The following B3GALT1 variants were observed in gnomAD, a reference collection of about 807,000 sequenced individuals.
The protein encoded by B3GALT1 is UDP-Gal:betaGlcNAc beta 1,3-galactosyltransferase, polypeptide 1.
Under a neutral mutation model 23.2 loss-of-function variants are expected in B3GALT1, and 10 were observed. The observed-to-expected ratio is 0.43, with a 90% CI of 0.27 to 0.73. The LOEUF (loss-of-function observed/expected upper bound fraction) is 0.73, where lower values mean the gene tolerates loss of function less well. B3GALT1 is among the 30% of genes least tolerant of loss of function. B3GALT1 has a pLI of 0.21. For missense variants in B3GALT1, 299 were observed against 405.4 expected, an observed-to-expected ratio of 0.74 and a Z score of 2.25; for synonymous variants, 156 against 141.5, an observed-to-expected ratio of 1.10 and a Z score of -0.73.
In B3GALT1 at chr2:167,790,125, G is replaced by A. The variant is rs114474464; in HGVS notation, c.-351-28547G>A. Among the ~76,000 whole-genome samples, 1,130 of 152,250 alleles carry A rather than the reference G, an allele frequency of 7.4e-3. 5 individuals are homozygous for A. Among genetic ancestry groups the A allele is most frequent in the Non-Finnish European group, 0.013 (867 of 68,032 alleles). On this transcript the variant is annotated intron_variant, in intron 3 of 4. Coordinates refer to ENST00000392690, the MANE Select transcript of B3GALT1 (RefSeq NM_020981.4). ...ATAAATCTTTTCACTGCTGCACCTTGATGGCACGCTTAACTCCTAGTCTTG... is the reference window on the plus strand; with the variant it reads ...ATAAATCTTTTCACTGCTGCACCTTAATGGCACGCTTAACTCCTAGTCTTG...
At chr2:167,650,616 T>C (rs1685846291) in intron 3 of B3GALT1, among the ~76,000 whole-genome samples, 1 of 152,038 alleles carries the variant, frequency 6.6e-6, no homozygotes, top group South Asian at 2.1e-4. Flanking sequence ...TCTTTAAGTG[T>C]TTGGTAGAAT....
intron 3 of B3GALT1, among the ~76,000 whole-genome samples, chr2:167,797,661 G>A (rs1483671524): frequency 1.3e-5 from 2 of 151,112 alleles, no homozygotes; most frequent in Non-Finnish European, 1.5e-5. Context: ...ACTTTTAATA[G>A]TCGCCATTCT....
intron 1 of B3GALT1, among the ~76,000 whole-genome samples, chr2:167,486,176 T>C (rs551973188): frequency 6.6e-6 from 1 of 151,928 alleles, no homozygotes; most frequent in Non-Finnish European, 1.5e-5. Context: ...CTGGCCAACA[T>C]GGTGAAACCC....
intron 1 of B3GALT1, among the ~76,000 whole-genome samples, chr2:167,327,188 G>T (rs965979761): frequency 1.3e-5 from 2 of 152,064 alleles, no homozygotes; most frequent in Non-Finnish European, 2.9e-5. Flanking sequence ...GTCAGGTAGT[G>T]TGATGCTATT....
chr2:167,653,010 A>G (rs1447093930), intron 3 of B3GALT1, among the ~76,000 whole-genome samples: 1 of 152,080 alleles, frequency 6.6e-6, no homozygotes, highest in African/African-American at 2.4e-5. Flanking sequence ...CTCACCTATT[A>G]ATACCTGAGT....
intron 2 of B3GALT1, among the ~76,000 whole-genome samples, chr2:167,535,429 A>G (rs1044755334): frequency 1.3e-5 from 2 of 152,190 alleles, no homozygotes; most frequent in African/African-American, 4.8e-5. Context: ...AACTTCAGGA[A>G]TACCTCACAT....
intron 2 of B3GALT1, among the ~76,000 whole-genome samples, chr2:167,615,474 T>C (rs975344589): frequency 2.0e-5 from 3 of 152,012 alleles, no homozygotes; most frequent in African/African-American, 7.2e-5. Context: ...AGGTCTACTG[T>C]GCATAGTGAC....
chr2:167,452,727 T>G (rs1206999730), intron 1 of B3GALT1, among the ~76,000 whole-genome samples: 1 of 152,142 alleles, frequency 6.6e-6, no homozygotes, highest in Non-Finnish European at 1.5e-5. Context: ...TCCATCATTT[T>G]CCTCCCAAAA....
chr2:167,439,824 GTAT>G (rs1415636930), intron 1 of B3GALT1, among the ~76,000 whole-genome samples: 16 of 147,082 alleles, frequency 1.1e-4, no homozygotes, highest in Admixed American at 9.4e-4. Context: ...AGATTTTGTA[GTAT>G]TTTTTTTTTT....
chr2:167,644,408 C>T (rs1452857216), intron 2 of B3GALT1, among the ~76,000 whole-genome samples: 7 of 152,056 alleles, frequency 4.6e-5, no homozygotes, highest in Non-Finnish European at 7.4e-5. Flanking sequence ...CATAATTTTC[C>T]AGTAAAAAGC....
intron 3 of B3GALT1, among the ~76,000 whole-genome samples, chr2:167,738,173 T>C (rs941582164): frequency 6.6e-6 from 1 of 152,234 alleles, no homozygotes; most frequent in South Asian, 2.1e-4. Context: ...TGTAAGAAAA[T>C]CCATGCAAGA....
intron 2 of B3GALT1, among the ~76,000 whole-genome samples, chr2:167,506,182 A>G (rs1365772467): frequency 6.6e-6 from 1 of 152,202 alleles, no homozygotes; most frequent in Non-Finnish European, 1.5e-5. Context: ...AACAGCAAGC[A>G]TTGCACACCT....
At chr2:167,453,945 G>T (rs1699127514) in intron 1 of B3GALT1, among the ~76,000 whole-genome samples, 1 of 152,146 alleles carries the variant, frequency 6.6e-6, no homozygotes, top group Admixed American at 6.5e-5. Context: ...GCTTCTACTT[G>T]TTTGGCATAC....
At chr2:167,329,893 T>C (rs1389400654) in intron 1 of B3GALT1, among the ~76,000 whole-genome samples, 4 of 152,126 alleles carry the variant, frequency 2.6e-5, no homozygotes, top group Admixed American at 1.3e-4. Flanking sequence ...AGAAATCTGC[T>C]GTTAGTCTGA....
intron 1 of B3GALT1, among the ~76,000 whole-genome samples, chr2:167,483,603 C>T (rs747209102): frequency 6.6e-6 from 1 of 152,104 alleles, no homozygotes; most frequent in Non-Finnish European, 1.5e-5. Context: ...AGATGAAAAA[C>T]TGGCTTTTTC....
chr2:167,734,529 T>TGA (rs1687462374), intron 3 of B3GALT1, among the ~76,000 whole-genome samples: 1 of 152,218 alleles, frequency 6.6e-6, no homozygotes, highest in South Asian at 2.1e-4. Flanking sequence ...GTGCACCATG[T>TGA]GAGTCCTTGG....
At chr2:167,852,028 A>G (rs757375389) in intron 4 of B3GALT1, among the ~76,000 whole-genome samples, 2 of 152,296 alleles carry the variant, frequency 1.3e-5, no homozygotes, top group Non-Finnish European at 1.5e-5. Context: ...CCAACTTACC[A>G]ATAGCTCTGC....
chr2:167,393,438 G>T (rs1383572505), intron 1 of B3GALT1, among the ~76,000 whole-genome samples: 1 of 152,000 alleles, frequency 6.6e-6, no homozygotes, highest in Non-Finnish European at 1.5e-5. Context: ...GACCCTGAAA[G>T]CAACATGGAT....
chr2:167,494,675 T>G (rs935429259), intron 2 of B3GALT1, among the ~76,000 whole-genome samples: 19 of 152,156 alleles, frequency 1.2e-4, no homozygotes. Flanking sequence ...TGAGGCAAAT[T>G]AATAATCACA....
Sources: allele counts gnomAD v4.1 joint callset (sites outside exome capture counted in the v4.1 genomes callset), GRCh38; gene constraint gnomAD v4.1.1; transcripts MANE v1.5; gene names NCBI Gene and HGNC (gene_info 2026-07-23, HGNC 2026-07-21).